ADAMTS15: variants seen among roughly 807,000 people sequenced by gnomAD.
The protein encoded by ADAMTS15 is ADAM metallopeptidase with thrombospondin type 1 motif 15, also known as A disintegrin and metalloproteinase with thrombospondin motifs 15.
A neutral mutation model predicts 79.1 loss-of-function variants in ADAMTS15; 35 were observed. The observed-to-expected ratio is 0.44, with a 90% CI of 0.34 to 0.59. The LOEUF is 0.59. Among genes scored for constraint, ADAMTS15 ranks in the 20% least tolerant of loss-of-function variants. ADAMTS15 has a pLI of 0.02. For synonymous variants in ADAMTS15, 616 were observed against 567.3 expected, an observed-to-expected ratio of 1.09 and a Z score of -1.22; for missense variants, 1,324 against 1,318.7, an observed-to-expected ratio of 1.00 and a Z score of -0.06.
At chr11:130,465,344 C>T (rs1938279258) in intron 4 of ADAMTS15, among the ~76,000 whole-genome samples, 1 of 152,224 alleles carries the variant, frequency 6.6e-6, no homozygotes, top group African/African-American at 2.4e-5. Context: ...GCGGGAACCC[C>T]ATCCCCTCTC....
rs766451560 is a variant in ADAMTS15, at chr11:130,473,738, G to A, written c.2770G>A (p.Gly924Arg). The change falls in exon 8 of 8, where the codon GGA becomes AGA. Residue 924 changes from glycine (G) to arginine (R), a missense_variant. Gly to Arg is a moderately radical substitution (Grantham distance 125). Coordinates refer to ENST00000299164, the MANE Select transcript of ADAMTS15 (RefSeq NM_139055.4). The stretch of plus-strand genomic sequence containing the variant: ...GCGCTCACTCAAGTGTGTGGGCCAC[G>A]GAGGCCGGCTGCTGGCCCGGGACCA... The part of the protein sequence containing the change: ...QRRSLKCVGH[G>R]GRLLARDQCN... The A allele has an allele frequency of 1.4e-5, 22 of 1,599,544 alleles. No individual in the cohort carries two copies. The highest frequency in any genetic ancestry group is 2.2e-5 in the East Asian group (1 of 44,880).
Position 130,470,186 on chromosome 11 carries a change from G to GTGTA in ADAMTS15, c.1721-733_1721-732insGTAT, listed in dbSNP as rs1565397851. Among the ~76,000 whole-genome samples, 663 of 67,072 alleles carry GTGTA rather than the reference G, an allele frequency of 9.9e-3. 32 individuals carry two copies. Among genetic ancestry groups the GTGTA allele is most frequent in the Non-Finnish European group, 0.012 (460 of 37,808 alleles). The allele number at this position is 67,072 out of a possible 152,430, so 44.0% of individuals were successfully genotyped here. A position where few individuals can be genotyped will look rare whatever the true frequency, so the allele number is the denominator to read the frequency against. On this transcript the variant is annotated intron_variant, in intron 5 of 7. Coordinates refer to ENST00000299164, the MANE Select transcript of ADAMTS15 (RefSeq NM_139055.4). ...TATATATATATATATATATATGTGT[G>GTGTA]TATATATATATATATATATATATGT...
intron 4 of ADAMTS15, among the ~76,000 whole-genome samples, chr11:130,465,319 T>C (rs1384277552): frequency 1.3e-5 from 2 of 152,224 alleles, no homozygotes; most frequent in African/African-American, 4.8e-5. Context: ...TCTGAGGCCA[T>C]GCTGTGTGCT....
intron 4 of ADAMTS15, among the ~76,000 whole-genome samples, chr11:130,464,602 C>T (rs797019879): frequency 1.1e-4 from 16 of 152,214 alleles, no homozygotes; most frequent in African/African-American, 3.9e-4. Flanking sequence ...CTCACCCTTC[C>T]CATCATGCCT....
At position 130,473,619 on chromosome 11, in the gene ADAMTS15, C is replaced by T. The variant is rs2134743605; in HGVS notation, c.2651C>T (p.Pro884Leu). 1.2e-6 allele frequency: 2 copies of T among 1,609,786 alleles called. No homozygotes were observed. The highest frequency in any genetic ancestry group is 1.7e-6 in the Non-Finnish European group (2 of 1,179,694). ...TVPACDAAHR[P>L]VETQACGEPC... ...CCTGCCTGTGATGCAGCCCATCGGC[C>T]CGTGGAGACACAAGCCTGCGGGGAG... The change falls in exon 8 of 8, where the codon CCC (proline) becomes CTC (leucine). Residue 884 changes from proline (P) to leucine (L), a missense_variant. Pro to Leu is a moderately conservative substitution (Grantham distance 98). Transcript: ENST00000299164.
chr11:130,470,768 G>A, intron 5 of ADAMTS15, 152 bp from the exon 6 acceptor site: 1 of 866,816 alleles, frequency 1.2e-6, no homozygotes, highest in Admixed American at 2.4e-5. Flanking sequence ...GGCCCAGCCT[G>A]CTTTAGTGCT....
At chr11:130,456,277 A>AT (rs377551581) in intron 1 of ADAMTS15, among the ~76,000 whole-genome samples, 2,724 of 149,508 alleles carry the variant, frequency 0.018, 52 homozygotes, top group African/African-American at 0.053. Context: ...TGAAGGGGTG[A>AT]TTTTTTTTTT....
At chr11:130,464,102 A>C (rs1938257079) in intron 4 of ADAMTS15, among the ~76,000 whole-genome samples, 1 of 152,094 alleles carries the variant, frequency 6.6e-6, no homozygotes, top group Non-Finnish European at 1.5e-5. Flanking sequence ...CATCTTCAGG[A>C]AGGTCATTTG....
chr11:130,468,939 CAAAAAA>C (rs911391031), intron 4 of ADAMTS15, among the ~76,000 whole-genome samples: 8 of 27,848 alleles, frequency 2.9e-4, no homozygotes, highest in African/African-American at 7.9e-4. Flanking sequence ...TCCACCTCAA[CAAAAAA>C]AAAAAAAAAA....
chr11:130,456,630 G>A (rs767084728), intron 1 of ADAMTS15, among the ~76,000 whole-genome samples: 7 of 152,296 alleles, frequency 4.6e-5, no homozygotes, highest in South Asian at 2.1e-4. Flanking sequence ...TAATACTAGC[G>A]CAGGGTGCTT....
Position 130,462,032 on chromosome 11 carries a change from T to G in ADAMTS15, c.1091-55T>G. ...CTAGTTCCCCTGCCCCATTCCTCCC[T>G]CCAACCCCCATGTCCTTCCTCCTGC... On this transcript the variant is annotated intron_variant, in intron 2 of 7. Transcript: ENST00000299164. The surrounding 1 kb of genome is among the most constrained non-coding windows in gnomAD (Gnocchi z 4.3). The G allele has an allele frequency of 2.0e-5, 19 of 948,702 alleles. No individual in the cohort carries two copies. The highest frequency in any genetic ancestry group is 2.9e-5 in the Non-Finnish European group (18 of 617,398). 58.8% of individuals were successfully genotyped at this position (948,702 alleles called of 1,614,324 possible). A position where few individuals can be genotyped will look rare whatever the true frequency, so the allele number is the denominator to read the frequency against.
Position 130,462,510 on chromosome 11 carries a change from G to T in ADAMTS15, c.1272G>T (p.Leu424=). The change falls in exon 4 of 8, where the codon CTG becomes CTT. Residue 424 remains leucine (L), a synonymous_variant. Coordinates refer to ENST00000299164, the MANE Select transcript of ADAMTS15 (RefSeq NM_139055.4). This position sits in a 1 kb window ranked among gnomAD's most constrained non-coding sequence, Gnocchi z 4.3. ...GGCTCTCTGCAGGTGACTGCCTCCTGGACCAACCCAGCAAGCCCATCTCCC... is the reference window on the plus strand; with the variant it reads ...GGCTCTCTGCAGGTGACTGCCTCCTTGACCAACCCAGCAAGCCCATCTCCC... The part of the protein sequence containing the change: ...FLDSGHGDCL[L]DQPSKPISLP... 3.1e-6 allele frequency: 5 copies of T among 1,597,648 alleles called. No homozygotes were observed. The highest frequency in any genetic ancestry group is 4.3e-6 in the Non-Finnish European group (5 of 1,168,752).
intron 1 of ADAMTS15, among the ~76,000 whole-genome samples, chr11:130,460,787 G>A (rs1172094314): frequency 6.6e-6 from 1 of 152,172 alleles, no homozygotes; most frequent in African/African-American, 2.4e-5. Flanking sequence ...TAGGTTCTGT[G>A]GCCAAGTTAA....
rs1434797332 is a variant in ADAMTS15, at chr11:130,475,418, G to A, written c.*1597G>A. ...TTCTTGAAGGTTCAGATGCCCCACT[G>A]TGTACATGGGATATTCTGCTTCTGA... On this transcript the variant is annotated 3_prime_UTR_variant, in exon 8 of 8. Transcript: ENST00000299164. The A allele has an allele frequency of 1.3e-5, 2 of 152,256 alleles. No homozygotes were observed. The highest frequency in any genetic ancestry group is 1.9e-4 in the East Asian group (1 of 5,206). 9.4% of individuals were successfully genotyped at this position (152,256 alleles called of 1,614,324 possible). A position where few individuals can be genotyped will look rare whatever the true frequency, so the allele number is the denominator to read the frequency against.
intron 1 of ADAMTS15, among the ~76,000 whole-genome samples, chr11:130,458,861 C>T (rs1007574848): frequency 1.1e-4 from 17 of 152,070 alleles, no homozygotes; most frequent in Non-Finnish European, 4.4e-5. Flanking sequence ...TTGCTGGGTC[C>T]TACACCACAC....
chr11:130,449,340 C>T lies in ADAMTS15; in HGVS notation c.367C>T (p.Leu123Phe). 4.4e-6 allele frequency: 7 copies of T among 1,608,352 alleles called. No individual in the cohort carries two copies. Among genetic ancestry groups the T allele is most frequent in the Non-Finnish European group, 5.9e-6 (7 of 1,180,008 alleles). Reference protein sequence around the residue: ...SFAAVSLCGGLRGAFGYRGAE... With the variant: ...SFAAVSLCGGFRGAFGYRGAE... ...CGCTGCTGTGAGCCTGTGCGGGGGG[C>T]TCCGCGGAGCCTTTGGCTACCGAGG... Residue 123 changes from leucine to phenylalanine, a missense_variant, in exon 1 of 8, where the codon CTC (leucine) becomes TTC (phenylalanine). Coordinates refer to ENST00000299164, the MANE Select transcript of ADAMTS15 (RefSeq NM_139055.4). The surrounding 1 kb of genome is among the most constrained non-coding windows in gnomAD (Gnocchi z 7.8).
chr11:130,470,188 A>ATATATATATACATG (rs1938416951), intron 5 of ADAMTS15, among the ~76,000 whole-genome samples: 1 of 48,916 alleles, frequency 2.0e-5, no homozygotes, highest in African/African-American at 1.0e-4. Flanking sequence ...ATATGTGTGT[A>ATATATATATACATG]TATATATATA....
In ADAMTS15 at chr11:130,471,041, C is replaced by T; in HGVS notation, c.1842C>T (p.Asp614=). ...VPKYSGVSPR[D]KCKLICRANG... is the part of the protein sequence containing the mutation. The stretch of plus-strand genomic sequence containing the variant: ...AGTACTCCGGCGTGTCTCCCCGGGA[C>T]AAGTGCAAGCTCATCTGCCGAGCCA... The change falls in exon 6 of 8, where the codon GAC becomes GAT. Residue 614 remains aspartate (D), a synonymous_variant. Coordinates refer to ENST00000299164, the MANE Select transcript of ADAMTS15 (RefSeq NM_139055.4). 6.2e-7 allele frequency: 1 copy of T among 1,613,894 alleles called. No homozygotes were observed. The highest frequency in any genetic ancestry group is 8.5e-7 in the Non-Finnish European group (1 of 1,180,050).
At chr11:130,454,820 G>C (rs1647028267) in intron 1 of ADAMTS15, among the ~76,000 whole-genome samples, 2 of 152,160 alleles carry the variant, frequency 1.3e-5, no homozygotes, top group African/African-American at 4.8e-5. Context: ...GAAGGTTGGA[G>C]GGAATCTTTT....
Sources: gnomAD v4.1 joint callset for allele counts (sites outside exome capture counted in the v4.1 genomes callset) on GRCh38, gnomAD v4.1.1 for gene constraint, Gnocchi (gnomAD v3.1) non-coding constraint, MANE v1.5 for transcripts, NCBI Gene and HGNC (gene_info 2026-07-23, HGNC 2026-07-21) for gene names.